The following ICAM3 variants were observed in gnomAD, a reference collection of about 807,000 sequenced individuals.
The protein encoded by ICAM3 is intercellular adhesion molecule 3.
ICAM3 carries 54 observed loss-of-function variants against 43.6 expected under a neutral mutation model. The observed-to-expected ratio is 1.24, with a 90% CI of 0.99 to 1.55. The LOEUF (loss-of-function observed/expected upper bound fraction) is 1.55. ICAM3 is among the 40% of genes most tolerant of loss of function. The pLI is 0.00. For missense variants in ICAM3, 715 were observed against 717.9 expected (o/e 1.00, Z 0.05); for synonymous variants, 306 against 312.6 (o/e 0.98, Z 0.22).
intron 2 of ICAM3, 168 bp from the exon 3 acceptor site, chr19:10,336,144 C>A (rs1394788712): frequency 6.6e-6 from 4 of 610,040 alleles, no homozygotes; most frequent in Non-Finnish European, 1.1e-5. Context: ...TTATCATTAG[C>A]GCAGTGATTA....
Position 10,333,994 on chromosome 19 carries a change from C to A in ICAM3, c.1507G>T (p.Val503Leu), listed in dbSNP as rs755764117. The change falls in exon 7 of 7, where the codon GTA (valine) becomes TTA (leucine). Residue 503 changes from valine (V) to leucine (L), a missense_variant. Coordinates refer to ENST00000160262, the MANE Select transcript of ICAM3 (RefSeq NM_002162.5). The surrounding 1 kb of genome is among the most constrained non-coding windows in gnomAD (Gnocchi z 4.2). ...CTGAAGACGTACATTAAGGCCAGTA[C>A]GATAGTCACCACGCCCAGGGTCAGT... The part of the protein sequence containing the change: ...VLLTLGVVTI[V>L]LALMYVFREH... 34 of 1,614,032 alleles carry A rather than the reference C, an allele frequency of 2.1e-5. 1 individual carries two copies. In the South Asian group the frequency reaches 3.2e-4, roughly 15 times the overall value.
chr19:10,334,093 C>G lies in ICAM3; in HGVS notation c.1442-34G>C. On this transcript the variant is annotated intron_variant, in intron 6 of 6. Coordinates refer to ENST00000160262, the MANE Select transcript of ICAM3 (RefSeq NM_002162.5). The surrounding 1 kb of genome is among the most constrained non-coding windows in gnomAD (Gnocchi z 5.5). ...AGAAAGCGCTAAGTCAATATGCGTC[C>G]CTTCTGTCTCCAACCCCCCCGCCCC... is the stretch of plus-strand genomic sequence containing the variant. 2 of 1,610,914 alleles carry G rather than the reference C, an allele frequency of 1.2e-6. No homozygotes were observed. The highest frequency in any genetic ancestry group is 1.7e-6 in the Non-Finnish European group (2 of 1,177,420).
In ICAM3 at chr19:10,335,756, G is replaced by A. The variant is rs750684793; in HGVS notation, c.564C>T (p.Phe188=). The A allele has an allele frequency of 1.2e-5, 20 of 1,612,318 alleles. No individual in the cohort carries two copies. The highest frequency in any genetic ancestry group is 1.6e-5 in the Non-Finnish European group (19 of 1,179,630). ...LASRDDHGAP[F]SCRTELDMQP... ...GCATGTCCAGTTCTGTGCGGCATGA[G>A]AAAGGGGCTCCGTGGTCGTCTCTGC... is the stretch of plus-strand genomic sequence containing the variant. The change falls in exon 3 of 7, where the codon TTC becomes TTT. Residue 188 remains phenylalanine (F), a synonymous_variant. Transcript: ENST00000160262.
At chr19:10,339,433 G>A in intron 1 of ICAM3, 106 bp downstream of exon 1, 1 of 950,182 alleles carries the variant, frequency 1.1e-6, no homozygotes, top group Non-Finnish European at 1.6e-6. Context: ...CAGCGGCCAG[G>A]TCGCAGTGTG....
intron 2 of ICAM3, among the ~76,000 whole-genome samples, chr19:10,338,391 G>A (rs1372546827): frequency 2.1e-5 from 3 of 142,684 alleles, no homozygotes; most frequent in Admixed American, 7.1e-5. Context: ...CAAAAAGAGC[G>A]AAACTCTGTC....
Position 10,335,497 on chromosome 19 carries a change from C to T in ICAM3, c.650-144G>A, listed in dbSNP as rs898331179. ...ACAGGGCCATGAAAACGGCCTTCTT[C>T]AAAGATCCCACGGCTCGGGCCTCCC... On this transcript the variant is annotated intron_variant, in intron 3 of 6. Transcript: ENST00000160262. 8 of 1,112,346 alleles carry T rather than the reference C, an allele frequency of 7.2e-6. No homozygotes were observed. The African/African-American group carries it at 9.4e-5, about 13-fold the overall frequency. 68.9% of individuals were successfully genotyped at this position (1,112,346 alleles called of 1,614,324 possible).
rs1339853097 is a variant in ICAM3 at position 10,334,152 on chromosome 19, T to C, written c.1441+8A>G. ...CCGGTCCAGACCCGCAGCCCCGTGT[T>C]AGCTCACCCTCAATGTCCATCACCA... is the stretch of plus-strand genomic sequence containing the variant. On this transcript the variant is annotated splice_region_variant and intron_variant, in intron 6 of 6. Transcript: ENST00000160262. The surrounding 1 kb of genome is among the most constrained non-coding windows in gnomAD (Gnocchi z 5.5). The C allele has an allele frequency of 1.9e-6, 3 of 1,612,290 alleles. No homozygotes were observed. The highest frequency in any genetic ancestry group is 2.5e-6 in the Non-Finnish European group (3 of 1,178,642).
At chr19:10,338,580 G>A in intron 2 of ICAM3, 102 bp downstream of exon 2, 1 of 1,070,840 alleles carries the variant, frequency 9.3e-7, no homozygotes, top group Non-Finnish European at 1.4e-6. Context: ...CAGAACTGTG[G>A]TCCATTCTTT....
At chr19:10,339,293 A>G (rs1282333303) in intron 1 of ICAM3, 2 of 581,754 alleles carry the variant, frequency 3.4e-6, no homozygotes, top group African/African-American at 3.7e-5. Context: ...AGGAGTTCAG[A>G]TGGAGCAGGA....
chr19:10,335,142 C>T lies in ICAM3; in HGVS notation c.861G>A (p.Glu287=), dbSNP rs554213558. The change falls in exon 4 of 7, where the codon GAG becomes GAA. Residue 287 remains glutamate (E), a synonymous_variant. Coordinates refer to ENST00000160262, the MANE Select transcript of ICAM3 (RefSeq NM_002162.5). ...CGTTGCAGACGATCTCCCGGGCACC[C>T]TCCTGATCCGCGCGCGCCGTGGCTG... ...TATATARADQ[E]GAREIVCNVT... is the part of the protein sequence containing the mutation. The T allele has an allele frequency of 6.8e-6, 11 of 1,613,854 alleles. No homozygotes were observed. In the African/African-American group the frequency reaches 1.5e-4, roughly 22 times the overall value.
chr19:10,336,400 T>C (rs999972392), intron 2 of ICAM3, among the ~76,000 whole-genome samples: 1 of 151,510 alleles, frequency 6.6e-6, no homozygotes, highest in African/African-American at 2.4e-5. Context: ...GTTCAGACAC[T>C]CAGGGCTTTC....
rs966482007 is a variant in ICAM3 at position 10,334,533 on chromosome 19, A to T, written c.1187T>A (p.Val396Asp). 6.2e-7 allele frequency: 1 copy of T among 1,607,602 alleles called. No homozygotes were observed. The highest frequency in any genetic ancestry group is 8.5e-7 in the Non-Finnish European group (1 of 1,175,486). Residue 396 changes from valine (V) to aspartate (D), a missense_variant, in exon 5 of 7, where the codon GTC becomes GAC. By Grantham distance (152) the Val-to-Asp change is radical. Transcript: ENST00000160262. The surrounding 1 kb of genome is among the most constrained non-coding windows in gnomAD (Gnocchi z 5.5). ...GGTCAGGGTGACCGACTCACACAGG[A>T]CTCGCAGCTGGACGCTACTGTTCCT... is the stretch of plus-strand genomic sequence containing the variant. ...LHRNSSVQLR[V>D]LYGPKIDRAT... is the part of the protein sequence containing the mutation.
intron 2 of ICAM3, among the ~76,000 whole-genome samples, 190 bp downstream of exon 2, chr19:10,338,490 ATC>A (rs1407426606): frequency 2.0e-5 from 3 of 151,660 alleles, no homozygotes; most frequent in African/African-American, 7.3e-5. Flanking sequence ...GCGTCTCTAT[ATC>A]TCTGTCTCTG....
rs2040625671 is a variant in ICAM3, at chr19:10,338,858, T to C, written c.167A>G (p.Asp56Gly). ...GGCGATTTTCTCAGAGCTGGGACAA[T>C]CAGTACTGCAGTTCACAAACAGGGA... Reference protein sequence around the residue: ...GGSLFVNCSTDCPSSEKIALE... With the variant: ...GGSLFVNCSTGCPSSEKIALE... The change falls in exon 2 of 7, where the codon GAT becomes GGT. Residue 56 changes from aspartate (D) to glycine (G), a missense_variant. Asp to Gly is a moderately conservative substitution (Grantham distance 94). Coordinates refer to ENST00000160262, the MANE Select transcript of ICAM3 (RefSeq NM_002162.5). 1 of 1,613,952 alleles carries C rather than the reference T, an allele frequency of 6.2e-7. No individual in the cohort carries two copies. The highest frequency in any genetic ancestry group is 8.5e-7 in the Non-Finnish European group (1 of 1,180,034).
chr19:10,335,749 G>A lies in ICAM3; in HGVS notation c.571C>T (p.Arg191Cys), dbSNP rs1270041727. 2 of 1,611,962 alleles carry A rather than the reference G, an allele frequency of 1.2e-6. No individual in the cohort carries two copies. Among genetic ancestry groups the A allele is most frequent in the Non-Finnish European group, 1.7e-6 (2 of 1,179,462 alleles). ...TGGGGCTGCATGTCCAGTTCTGTGCGGCATGAGAAAGGGGCTCCGTGGTCG... is the reference window on the plus strand; with the variant it reads ...TGGGGCTGCATGTCCAGTTCTGTGCAGCATGAGAAAGGGGCTCCGTGGTCG... The part of the protein sequence containing the change: ...RDDHGAPFSC[R>C]TELDMQPQGL... The change falls in exon 3 of 7, where the codon CGC becomes TGC. Residue 191 changes from arginine (R) to cysteine (C), a missense_variant. Coordinates refer to ENST00000160262, the MANE Select transcript of ICAM3 (RefSeq NM_002162.5).
At chr19:10,337,067 G>A (rs4804501) in intron 2 of ICAM3, among the ~76,000 whole-genome samples, 13,318 of 151,654 alleles carry the variant, frequency 0.088, 674 homozygotes, top group Middle Eastern at 0.22. Context: ...CTGACATCGC[G>A]CCATTGTACT....
In ICAM3 at chr19:10,334,871, A is replaced by T. The variant is rs1372030294; in HGVS notation, c.938-89T>A. The T allele has an allele frequency of 6.7e-7, 1 of 1,489,902 alleles. No homozygotes were observed. Among genetic ancestry groups the T allele is most frequent in the Non-Finnish European group, 9.0e-7 (1 of 1,112,148 alleles). 92.3% of individuals were successfully genotyped at this position (1,489,902 alleles called of 1,614,324 possible). On this transcript the variant is annotated intron_variant, in intron 4 of 6. Transcript: ENST00000160262. This position sits in a 1 kb window ranked among gnomAD's most constrained non-coding sequence, Gnocchi z 5.5. ...CTCCGCCCTCCCCTTTCCTCTCGGGATATCCGGGCCACGCTTTCGGCCGTT... is the reference window on the plus strand; with the variant it reads ...CTCCGCCCTCCCCTTTCCTCTCGGGTTATCCGGGCCACGCTTTCGGCCGTT...
chr19:10,334,148 G>T lies in ICAM3; in HGVS notation c.1441+12C>A. On this transcript the variant is annotated intron_variant, in intron 6 of 6. Transcript: ENST00000160262. This position sits in a 1 kb window ranked among gnomAD's most constrained non-coding sequence, Gnocchi z 5.5. ...CTTACCGGTCCAGACCCGCAGCCCC[G>T]TGTTAGCTCACCCTCAATGTCCATC... 2 of 1,403,958 alleles carry T rather than the reference G, an allele frequency of 1.4e-6. No homozygotes were observed. Among genetic ancestry groups the T allele is most frequent in the Non-Finnish European group, 2.0e-6 (2 of 998,674 alleles). 87.0% of individuals were successfully genotyped at this position (1,403,958 alleles called of 1,614,324 possible).
intron 2 of ICAM3, among the ~76,000 whole-genome samples, chr19:10,337,457 C>CT (rs1555713998): frequency 1.4e-5 from 2 of 146,804 alleles, no homozygotes; most frequent in Admixed American, 6.8e-5. Flanking sequence ...AAAAAAGTAG[C>CT]CAGGCCTGCA....
Sources: allele counts gnomAD v4.1 joint callset (sites outside exome capture counted in the v4.1 genomes callset), GRCh38; gene constraint gnomAD v4.1.1; non-coding constraint Gnocchi (gnomAD v3.1); transcripts MANE v1.5; gene names NCBI Gene and HGNC (gene_info 2026-07-23, HGNC 2026-07-21).